MICAL3: variants seen among roughly 807,000 people sequenced by gnomAD.
MICAL3 encodes the protein microtubule associated monooxygenase, calponin and LIM domain containing 3.
In MICAL3, 62 loss-of-function variants were observed where a neutral mutation model predicts 207.4. The ratio of observed to expected loss-of-function variants is 0.30; its 90% CI spans 0.24 to 0.37. The LOEUF is 0.37. MICAL3 is among the 10% of genes least tolerant of loss of function. MICAL3 has a pLI of 1.00. For synonymous variants in MICAL3, 1,077 were observed against 1,069.3 expected (o/e 1.01, Z -0.14); for missense variants, 2,368 against 2,635.6 (o/e 0.90, Z 2.22).
intron 16 of MICAL3, among the ~76,000 whole-genome samples, chr22:17,877,358 T>G (rs1227163741): frequency 3.6e-4 from 34 of 95,098 alleles, no homozygotes; most frequent in Admixed American, 6.2e-4. Context: ...TTAGGGAGGT[T>G]ATGGAGGTTA....
Position 17,906,530 on chromosome 22 carries a change from C to A in MICAL3, c.264+19G>T, listed in dbSNP as rs1187253112. 1 of 1,612,258 alleles carries A rather than the reference C, an allele frequency of 6.2e-7. No homozygotes were observed. Among genetic ancestry groups the A allele is most frequent in the Non-Finnish European group, 8.5e-7 (1 of 1,178,854 alleles). Reference sequence around the variant, plus strand: ...GCATCTCGTCAGTGACCCCAGGGCCCAACAGGAGCAAAGCTTACCTTGGTG... The same window carrying A: ...GCATCTCGTCAGTGACCCCAGGGCCAAACAGGAGCAAAGCTTACCTTGGTG... On this transcript the variant is annotated intron_variant, in intron 2 of 31. Coordinates refer to ENST00000441493, the MANE Select transcript of MICAL3 (RefSeq NM_015241.3).
Position 17,995,113 on chromosome 22 carries a change from C to G in MICAL3, c.-75+29168G>C, listed in dbSNP as rs146735616. Among the ~76,000 whole-genome samples, 11 of 152,310 alleles carry G rather than the reference C, an allele frequency of 7.2e-5. No individual in the cohort carries two copies. In the East Asian group the frequency reaches 1.9e-3, roughly 27 times the overall value. On this transcript the variant is annotated intron_variant, in intron 1 of 31. Coordinates refer to ENST00000441493, the MANE Select transcript of MICAL3 (RefSeq NM_015241.3). Reference sequence around the variant, plus strand: ...GCAGAAGCTCTTGCCCTTCCGCTTCCACCTTTCATCAAGGTATAAGCCAAC... The same window carrying G: ...GCAGAAGCTCTTGCCCTTCCGCTTCGACCTTTCATCAAGGTATAAGCCAAC...
At chr22:17,799,600 G>GC (rs1185959675) in intron 29 of MICAL3, among the ~76,000 whole-genome samples, 1 of 152,252 alleles carries the variant, frequency 6.6e-6, no homozygotes, top group African/African-American at 2.4e-5. Flanking sequence ...CACCACCAAT[G>GC]CCATGCTCCT....
chr22:18,017,215 CTT>C (rs550219938), intron 1 of MICAL3, among the ~76,000 whole-genome samples: 7 of 144,572 alleles, frequency 4.8e-5, no homozygotes, highest in Middle Eastern at 3.3e-3. Context: ...CAGAGGTTAA[CTT>C]TTTTTTTTTT....
chr22:17,830,083 ATCT>A lies in MICAL3; in HGVS notation c.3055+1768_3055+1770del, dbSNP rs539350142. 1.8e-4 allele frequency among the ~76,000 whole-genome samples: 27 copies of A among 152,212 alleles called. No homozygotes were observed. In the East Asian group the frequency reaches 3.3e-3, roughly 19 times the overall value. Reference sequence around the variant, plus strand: ...AGTGGGTACCTTTAAATGTCCTCAAATCTTCTTCCTGTGGGAGGTACCTGGCGC... The same window carrying A: ...AGTGGGTACCTTTAAATGTCCTCAAATCTTCCTGTGGGAGGTACCTGGCGC... On this transcript the variant is annotated intron_variant, in intron 21 of 31. Coordinates refer to ENST00000441493, the MANE Select transcript of MICAL3 (RefSeq NM_015241.3).
chr22:17,889,289 G>A (rs567437405), intron 12 of MICAL3, 59 bp from the exon 13 acceptor site: 16 of 1,292,238 alleles, frequency 1.2e-5, no homozygotes, highest in East Asian at 7.0e-5. Flanking sequence ...AAACAGAAAC[G>A]CAGTATCCTG....
At chr22:17,876,273 T>C (rs1928330468) in intron 16 of MICAL3, 1 of 152,378 alleles carries the variant, frequency 6.6e-6, no homozygotes, top group East Asian at 1.9e-4. Flanking sequence ...CCGAAAGCTT[T>C]GGCAACCAAT....
At chr22:17,878,557 C>G (rs1001154318) in intron 16 of MICAL3, among the ~76,000 whole-genome samples, 1 of 152,200 alleles carries the variant, frequency 6.6e-6, no homozygotes, top group African/African-American at 2.4e-5. Flanking sequence ...AACTGCATTT[C>G]TCAGAGAGCA....
At chr22:17,790,963 C>T in intron 31 of MICAL3, 35 bp downstream of exon 31, 2 of 1,613,002 alleles carry the variant, frequency 1.2e-6, no homozygotes, top group South Asian at 1.1e-5. Flanking sequence ...AGGTGGCACC[C>T]ACCCTGGCCT....
chr22:17,921,708 C>T (rs963511396), intron 1 of MICAL3, among the ~76,000 whole-genome samples: 4 of 152,114 alleles, frequency 2.6e-5, no homozygotes, highest in Admixed American at 1.3e-4. Context: ...AGGCTAGTCT[C>T]GAACTCTTGG....
chr22:17,900,711 T>A lies in MICAL3; in HGVS notation c.847+131A>T. On this transcript the variant is annotated intron_variant, in intron 6 of 31. Transcript: ENST00000441493. The surrounding 1 kb of genome is among the most constrained non-coding windows in gnomAD (Gnocchi z 4.0). ...ATGCGCTAGGAAGAAGGAACAGGAG[T>A]GAAAAGAGCAGGAGGGGCAGACAGT... 1.5e-6 allele frequency: 1 copy of A among 683,180 alleles called. No individual in the cohort carries two copies. The highest frequency in any genetic ancestry group is 2.5e-6 in the Non-Finnish European group (1 of 405,436). 42.3% of individuals were successfully genotyped at this position (683,180 alleles called of 1,614,324 possible). A position where few individuals can be genotyped will look rare whatever the true frequency, so the allele number is the denominator to read the frequency against.
In MICAL3 at chr22:17,818,209, C is replaced by G; in HGVS notation, c.4452G>C (p.Ser1484=). The G allele has an allele frequency of 6.5e-7, 1 of 1,548,574 alleles. No individual in the cohort carries two copies. Residue 1484 remains serine (S), a synonymous_variant, in exon 26 of 32, where the codon TCG becomes TCC. Transcript: ENST00000441493. ...RKLREAEPNA[S]VVPPPLPATW... is the part of the protein sequence containing the mutation. ...TGGCGGGCAAGGGCGGCGGGACCAC[C>G]GAGGCATTGGGCTCGGCCTCCCTGA...
intron 27 of MICAL3, among the ~76,000 whole-genome samples, chr22:17,816,032 T>C (rs1424755301): frequency 1.3e-5 from 2 of 152,134 alleles, no homozygotes; most frequent in African/African-American, 4.8e-5. Context: ...GCCCCAGGGC[T>C]GGACAGTGGA....
chr22:17,834,266 C>A lies in MICAL3; in HGVS notation c.2802-2159G>T, dbSNP rs953962337. The A allele has an allele frequency of 9.1e-6, 10 of 1,094,920 alleles. No homozygotes were observed. In the Admixed American group the frequency reaches 1.5e-4, roughly 16 times the overall value. 67.8% of individuals were successfully genotyped at this position (1,094,920 alleles called of 1,614,324 possible). On this transcript the variant is annotated intron_variant, in intron 20 of 31. Coordinates refer to ENST00000441493, the MANE Select transcript of MICAL3 (RefSeq NM_015241.3). ...CTCGGTGAACATTTCTGAGCACCTA[C>A]AGCTCAGCCAGTGGACAAAAGAATA...
intron 29 of MICAL3, among the ~76,000 whole-genome samples, chr22:17,805,267 G>A (rs1225173613): frequency 6.6e-6 from 1 of 152,254 alleles, no homozygotes; most frequent in Non-Finnish European, 1.5e-5. Context: ...GAAGAGGAAC[G>A]GGACGCAGAA....
chr22:17,910,480 T>G (rs1383611779), intron 1 of MICAL3, among the ~76,000 whole-genome samples: 1 of 152,204 alleles, frequency 6.6e-6, no homozygotes, highest in Non-Finnish European at 1.5e-5. Context: ...CCCAGAGAGC[T>G]GCAGAGCCAA....
intron 20 of MICAL3, among the ~76,000 whole-genome samples, chr22:17,833,603 G>C (rs889212184): frequency 6.6e-6 from 1 of 152,184 alleles, no homozygotes; most frequent in African/African-American, 2.4e-5. Context: ...TTGGCTCCAC[G>C]AAAGTAACCT....
chr22:17,940,806 T>C (rs1346901699), intron 1 of MICAL3, among the ~76,000 whole-genome samples: 1 of 152,156 alleles, frequency 6.6e-6, no homozygotes, highest in East Asian at 1.9e-4. Context: ...GGAAAGGCTA[T>C]AAGCCCTACC....
rs757558549 is a variant in MICAL3, at chr22:17,818,920, G to A, written c.3741C>T (p.Pro1247=). 1.6e-5 allele frequency: 25 copies of A among 1,572,724 alleles called. No homozygotes were observed. Among genetic ancestry groups the A allele is most frequent in the Middle Eastern group, 3.4e-4 (2 of 5,832 alleles). ...TGGGTGGGGGCGTGGAGGCCGCCAC[G>A]GGTGGCTGGGGCTGCGGGCTCCCTG... The part of the protein sequence containing the change: ...VSPGSPQPQP[P]VAASTPPPSP... Residue 1247 remains proline, a synonymous_variant, in exon 26 of 32, where the codon CCC becomes CCT. Transcript: ENST00000441493.
Sources: gnomAD v4.1 joint callset for allele counts (sites outside exome capture counted in the v4.1 genomes callset) on GRCh38, gnomAD v4.1.1 for gene constraint, Gnocchi (gnomAD v3.1) non-coding constraint, MANE v1.5 for transcripts, NCBI Gene and HGNC (gene_info 2026-07-23, HGNC 2026-07-21) for gene names.